Variants in CRHR1 observed in about 807,000 individuals in gnomAD.
The protein encoded by CRHR1 is corticotropin-releasing hormone receptor 1.
CRHR1 carries 28 observed loss-of-function variants against 56.0 expected under a neutral mutation model. The observed-to-expected ratio is 0.50, with a 90% CI of 0.37 to 0.69. The LOEUF is 0.69. Ranked by LOEUF, CRHR1 falls within the 30% of genes least tolerant of loss-of-function variation. The pLI, the probability that CRHR1 is intolerant of heterozygous loss-of-function variation, is 0.00. For synonymous variants in CRHR1, 195 were observed against 216.5 expected, an observed-to-expected ratio of 0.90 and a Z score of 0.87; for missense variants, 376 against 548.0, an observed-to-expected ratio of 0.69 and a Z score of 3.13.
At chr17:45,829,901 G>A (rs1008441867) in intron 5 of CRHR1, among the ~76,000 whole-genome samples, 193 bp from the exon 6 acceptor site, 4 of 152,106 alleles carry the variant, frequency 2.6e-5, no homozygotes, top group Non-Finnish European at 5.9e-5. Context: ...TGTCTGGGTG[G>A]GCTGCAGGCA....
Position 45,829,206 on chromosome 17 carries a change from C to A in CRHR1, c.328-9C>A. The A allele has an allele frequency of 6.2e-7, 1 of 1,611,114 alleles. No homozygotes were observed. The highest frequency in any genetic ancestry group is 8.5e-7 in the Non-Finnish European group (1 of 1,177,860). On this transcript the variant is annotated splice_polypyrimidine_tract_variant and intron_variant, in intron 4 of 12. Transcript: ENST00000314537. ...GAAGGCTCACCTCTGCCCCTCTCTC[C>A]TGCTCCAGAAAAAAAGCAAGGTGCA...
intron 2 of CRHR1, among the ~76,000 whole-genome samples, chr17:45,814,267 T>C (rs242942): frequency 0.86 from 130,458 of 152,246 alleles, 56,330 homozygotes; most frequent in East Asian, 0.98. Context: ...ATGGTGCCAT[T>C]AAATGAGATG....
intron 2 of CRHR1, among the ~76,000 whole-genome samples, chr17:45,810,935 A>G (rs995569201): frequency 6.6e-6 from 1 of 152,204 alleles, no homozygotes; most frequent in African/African-American, 2.4e-5. Flanking sequence ...CTGGGCAAGA[A>G]CGTGTGTTTC....
At chr17:45,816,952 A>T (rs567978434) in intron 3 of CRHR1, among the ~76,000 whole-genome samples, 1 of 152,282 alleles carries the variant, frequency 6.6e-6, no homozygotes, top group African/African-American at 2.4e-5. Context: ...CTGTAATACC[A>T]TGAAGCAGGG....
At chr17:45,832,870 C>T (rs1006196371) in intron 8 of CRHR1, among the ~76,000 whole-genome samples, 4 of 152,246 alleles carry the variant, frequency 2.6e-5, no homozygotes, top group Admixed American at 2.6e-4. Context: ...CGTTCCCAGC[C>T]ACTCAGTCTT....
At position 45,784,350 on chromosome 17, in the gene CRHR1, G is replaced by A. The variant is rs2061286750; in HGVS notation, c.-195G>A. 3.0e-6 allele frequency: 1 copy of A among 328,630 alleles called. No homozygotes were observed. Among genetic ancestry groups the A allele is most frequent in the African/African-American group, 2.2e-5 (1 of 45,520 alleles). The allele number at this position is 328,630 out of a possible 1,614,324, so 20.4% of individuals were successfully genotyped here. On this transcript the variant is annotated 5_prime_UTR_variant, in exon 1 of 13. Transcript: ENST00000314537. This position sits in a 1 kb window ranked among gnomAD's most constrained non-coding sequence, Gnocchi z 4.2. ...ACGGCGGCCAGACTTCCCCGGGAAG[G>A]GGCGAGCGAGAGCCGGGCCGGGCCG...
intron 2 of CRHR1, among the ~76,000 whole-genome samples, chr17:45,807,538 G>A (rs936334922): frequency 1.3e-5 from 2 of 152,200 alleles, no homozygotes; most frequent in Admixed American, 6.5e-5. Flanking sequence ...ACTGATCAAG[G>A]ACTGGAGCTG....
chr17:45,813,613 C>T (rs912003570), intron 2 of CRHR1, among the ~76,000 whole-genome samples: 14 of 152,184 alleles, frequency 9.2e-5, no homozygotes, highest in African/African-American at 1.2e-4. Flanking sequence ...GCTCTGCGAT[C>T]GAGGGGCAGC....
chr17:45,793,579 AC>A (rs1411992625), intron 1 of CRHR1, among the ~76,000 whole-genome samples: 2 of 151,732 alleles, frequency 1.3e-5, no homozygotes, highest in South Asian at 4.2e-4. Flanking sequence ...TTGGCATCCC[AC>A]CCCTCCAGCT....
Position 45,796,145 on chromosome 17 carries a change from C to T in CRHR1, c.34-10865C>T, listed in dbSNP as rs531293311. Among the ~76,000 whole-genome samples, 21 of 152,322 alleles carry T rather than the reference C, an allele frequency of 1.4e-4. No individual in the cohort carries two copies. In the South Asian group the frequency reaches 3.9e-3, roughly 29 times the overall value. ...TACACTTGTCAGAGAGCGGCTGAGCCGAGAGCACAGCTGATAGTGTCACCT... is the reference window on the plus strand; with the variant it reads ...TACACTTGTCAGAGAGCGGCTGAGCTGAGAGCACAGCTGATAGTGTCACCT... On this transcript the variant is annotated intron_variant, in intron 1 of 12. Coordinates refer to ENST00000314537, the MANE Select transcript of CRHR1 (RefSeq NM_004382.5).
chr17:45,830,721 G>A, intron 7 of CRHR1, 151 bp downstream of exon 7: 4 of 1,209,216 alleles, frequency 3.3e-6, no homozygotes, highest in South Asian at 3.0e-5. Context: ...CTCCTCTTGG[G>A]GGTGGGCGGC....
chr17:45,821,530 C>A, intron 4 of CRHR1, 90 bp downstream of exon 4: 1 of 1,224,630 alleles, frequency 8.2e-7, no homozygotes, highest in Non-Finnish European at 1.2e-6. Flanking sequence ...GTCAGGGAGC[C>A]AGAGGCTAAT....
chr17:45,807,015 TCTC>T lies in CRHR1; in HGVS notation c.42_44del (p.Leu16del), dbSNP rs1274854606. On this transcript the variant is annotated inframe_deletion, in exon 2 of 13. Transcript: ENST00000314537. ...TTCGCCTCCTGTGCCTGCAGGCCCT[TCTC>T]CTTCTGGGGCTGAACCCCGTCTCTG... 4 of 1,613,698 alleles carry T rather than the reference TCTC, an allele frequency of 2.5e-6. No individual in the cohort carries two copies. Among genetic ancestry groups the T allele is most frequent in the Non-Finnish European group, 3.4e-6 (4 of 1,179,960 alleles).
intron 8 of CRHR1, among the ~76,000 whole-genome samples, chr17:45,831,944 C>T (rs561587241): frequency 6.6e-6 from 1 of 152,316 alleles, no homozygotes; most frequent in South Asian, 2.1e-4. Context: ...TGACTCCCTC[C>T]TGACTCCCTC....
At chr17:45,794,594 T>C (rs2061485312) in intron 1 of CRHR1, among the ~76,000 whole-genome samples, 1 of 152,190 alleles carries the variant, frequency 6.6e-6, no homozygotes, top group Middle Eastern at 3.2e-3. Flanking sequence ...GAGGAAACTC[T>C]TTGGTTTACT....
chr17:45,802,543 T>C (rs2061642954), intron 1 of CRHR1, among the ~76,000 whole-genome samples: 1 of 152,084 alleles, frequency 6.6e-6, no homozygotes, highest in Non-Finnish European at 1.5e-5. Flanking sequence ...GAAGTATGAT[T>C]CAGGAATAAG....
intron 8 of CRHR1, among the ~76,000 whole-genome samples, chr17:45,831,247 C>G (rs761110308): frequency 6.4e-4 from 97 of 151,582 alleles, no homozygotes; most frequent in Non-Finnish European, 1.3e-4. Flanking sequence ...TGCAGTGTGC[C>G]TCAGTTTCCT....
chr17:45,814,017 C>T (rs1181448541), intron 2 of CRHR1, among the ~76,000 whole-genome samples: 4 of 152,232 alleles, frequency 2.6e-5, no homozygotes, highest in African/African-American at 7.2e-5. Flanking sequence ...GCTCTGGCCT[C>T]GTCCTCGCTG....
chr17:45,833,693 T>TCCCCCCCCCC, intron 10 of CRHR1, 21 bp from the exon 11 acceptor site: 4 of 1,571,606 alleles, frequency 2.5e-6, no homozygotes, highest in South Asian at 1.1e-5. Flanking sequence ...ACTCCGAGCC[T>TCCCCCCCCCC]CCCCACCCGC....
Sources: gnomAD v4.1 joint callset for allele counts (sites outside exome capture counted in the v4.1 genomes callset) on GRCh38, gnomAD v4.1.1 for gene constraint, Gnocchi (gnomAD v3.1) non-coding constraint, MANE v1.5 for transcripts, NCBI Gene and HGNC (gene_info 2026-07-23, HGNC 2026-07-21) for gene names.